ITPR2: variants seen among roughly 807,000 people sequenced by gnomAD.
ITPR2 encodes inositol 1,4,5-trisphosphate-gated calcium channel ITPR2.
Under a neutral mutation model 317.1 loss-of-function variants are expected in ITPR2, and 207 were observed. The observed-to-expected ratio is 0.65, with a 90% CI of 0.58 to 0.73. ITPR2 has a LOEUF of 0.73. Ranked by LOEUF, ITPR2 falls within the 30% of genes least tolerant of loss-of-function variation. The pLI, the probability that ITPR2 is intolerant of heterozygous loss-of-function variation, is 0.00. For missense variants in ITPR2, 2,613 were observed against 3,284.0 expected (o/e 0.80, Z 4.99); for synonymous variants, 1,156 against 1,149.1 (o/e 1.01, Z -0.12).
chr12:26,485,590 A>T (rs1245950442), intron 41 of ITPR2, among the ~76,000 whole-genome samples: 1 of 152,256 alleles, frequency 6.6e-6, no homozygotes, highest in Non-Finnish European at 1.5e-5. Context: ...GAAAGAAGAT[A>T]TGACACTGAC....
Position 26,665,809 on chromosome 12 carries a change from G to C in ITPR2, c.1551+101C>G. Reference sequence around the variant, plus strand: ...TCTTGTTTTCAGCCACTAAGTTTTGGGATCATTTGCTTCATAGTAATAGAT... The same window carrying C: ...TCTTGTTTTCAGCCACTAAGTTTTGCGATCATTTGCTTCATAGTAATAGAT... On this transcript the variant is annotated intron_variant, in intron 14 of 56. Coordinates refer to ENST00000381340, the MANE Select transcript of ITPR2 (RefSeq NM_002223.4). 2.9e-6 allele frequency: 3 copies of C among 1,033,892 alleles called. No homozygotes were observed. In the South Asian group the frequency reaches 4.8e-5, roughly 17 times the overall value. The allele number at this position is 1,033,892 out of a possible 1,614,324, so 64.0% of individuals were successfully genotyped here.
chr12:26,444,908 A>C (rs1003482719), intron 45 of ITPR2, among the ~76,000 whole-genome samples: 3 of 152,126 alleles, frequency 2.0e-5, no homozygotes, highest in Non-Finnish European at 4.4e-5. Context: ...ACTCAAGAAA[A>C]CTATTTCCTA....
chr12:26,456,273 G>A (rs1422473869), intron 45 of ITPR2, among the ~76,000 whole-genome samples: 1 of 152,162 alleles, frequency 6.6e-6, no homozygotes, highest in Non-Finnish European at 1.5e-5. Flanking sequence ...GTGACCTCTG[G>A]TTGTCCTTAC....
intron 2 of ITPR2, among the ~76,000 whole-genome samples, chr12:26,731,647 TA>T (rs1949030630): frequency 6.6e-6 from 1 of 151,812 alleles, no homozygotes; most frequent in Admixed American, 6.6e-5. Flanking sequence ...AAAATTTTTT[TA>T]AAAAATCAGC....
intron 26 of ITPR2, among the ~76,000 whole-genome samples, chr12:26,612,785 A>G (rs1946298605): frequency 6.6e-6 from 1 of 152,236 alleles, no homozygotes; most frequent in Admixed American, 6.5e-5. Flanking sequence ...CCAAAATAGT[A>G]TGCTCACCTC....
chr12:26,608,788 A>AG (rs1946197684), intron 26 of ITPR2, among the ~76,000 whole-genome samples: 1 of 85,458 alleles, frequency 1.2e-5, no homozygotes, highest in Admixed American at 1.1e-4. Context: ...TTTTAAATTA[A>AG]AAAAAAAAAA....
intron 29 of ITPR2, 126 bp from the exon 30 acceptor site, chr12:26,599,471 T>G: frequency 1.2e-6 from 1 of 808,906 alleles, no homozygotes; most frequent in Non-Finnish European, 2.0e-6. Context: ...GAATTTTCTG[T>G]GCATGTCTTT....
intron 2 of ITPR2, among the ~76,000 whole-genome samples, chr12:26,765,988 T>G (rs141757851): frequency 2.8e-4 from 43 of 152,346 alleles, no homozygotes; most frequent in African/African-American, 9.1e-4. Context: ...TTACATCTTA[T>G]GGCTAAATAA....
chr12:26,426,793 T>C (rs1178357724), intron 49 of ITPR2, among the ~76,000 whole-genome samples: 1 of 151,768 alleles, frequency 6.6e-6, no homozygotes, highest in South Asian at 2.1e-4. Flanking sequence ...GAAAGTTTGG[T>C]TGACTATTTT....
intron 2 of ITPR2, among the ~76,000 whole-genome samples, chr12:26,782,021 T>G (rs1205225279): frequency 0.026 from 767 of 29,216 alleles, 10 homozygotes; most frequent in East Asian, 0.031. Context: ...TATATATATA[T>G]ATATATATAT....
intron 9 of ITPR2, among the ~76,000 whole-genome samples, chr12:26,695,851 A>G (rs779309750): frequency 6.6e-6 from 1 of 152,224 alleles, no homozygotes; most frequent in African/African-American, 2.4e-5. Flanking sequence ...TGACATGCCA[A>G]GTTCATTGCC....
chr12:26,658,972 AATT>A, intron 16 of ITPR2, 138 bp downstream of exon 16: 1 of 611,108 alleles, frequency 1.6e-6, no homozygotes, highest in Non-Finnish European at 2.8e-6. Flanking sequence ...TATTATATAC[AATT>A]ATTATAGCAA....
chr12:26,583,343 C>T (rs1166734134), intron 32 of ITPR2, among the ~76,000 whole-genome samples: 1 of 152,104 alleles, frequency 6.6e-6, no homozygotes, highest in African/African-American at 2.4e-5. Context: ...AATGACTGCA[C>T]ATTTAGTATG....
intron 26 of ITPR2, among the ~76,000 whole-genome samples, chr12:26,611,972 T>C (rs192715830): frequency 6.6e-6 from 1 of 152,278 alleles, no homozygotes; most frequent in African/African-American, 2.4e-5. Context: ...GGACGATAGG[T>C]TTAATAAAGG....
At chr12:26,677,418 G>A (rs756552806) in intron 13 of ITPR2, among the ~76,000 whole-genome samples, 13 of 151,786 alleles carry the variant, frequency 8.6e-5, no homozygotes, top group East Asian at 1.9e-4. Context: ...TGGGCAACAC[G>A]GCGAAACCCT....
In ITPR2 at chr12:26,602,371, T is replaced by C. The variant is rs750800412; in HGVS notation, c.3677A>G (p.Lys1226Arg). ...GAACAAAAAATAACCAGGACTAACC[T>C]TTTCATAGGGTATCTGCAGAAGATC... is the stretch of plus-strand genomic sequence containing the variant. ...VLDLLQIPYE[K>R]NDEKMNEVMN... Residue 1226 changes from lysine (K) to arginine (R), a missense_variant and splice_region_variant, in exon 28 of 57, where the codon AAG (lysine) becomes AGG (arginine). Lys to Arg is a conservative substitution (Grantham distance 26). This residue lies in a region of ITPR2 where 817 missense variants were observed against 897.6 expected (regional missense o/e 0.91). Coordinates refer to ENST00000381340, the MANE Select transcript of ITPR2 (RefSeq NM_002223.4). 1 of 1,610,288 alleles carries C rather than the reference T, an allele frequency of 6.2e-7. No homozygotes were observed. Among genetic ancestry groups the C allele is most frequent in the Admixed American group, 1.7e-5 (1 of 59,336 alleles).
chr12:26,419,492 G>A, intron 49 of ITPR2: 1 of 265,082 alleles, frequency 3.8e-6, no homozygotes, highest in Non-Finnish European at 7.2e-6. Flanking sequence ...GAGAGAGAAT[G>A]GTAAGAGACT....
chr12:26,797,625 C>CT (rs1378063434), intron 1 of ITPR2, among the ~76,000 whole-genome samples: 2 of 149,056 alleles, frequency 1.3e-5, no homozygotes, highest in Non-Finnish European at 3.0e-5. Flanking sequence ...TTACTAAAAG[C>CT]TTTTACTAGA....
At chr12:26,786,276 C>T (rs1261774924) in intron 2 of ITPR2, among the ~76,000 whole-genome samples, 6 of 102,686 alleles carry the variant, frequency 5.8e-5, no homozygotes, top group Non-Finnish European at 6.4e-5. Context: ...AGAGTCATCA[C>T]CACTCCCTAA....
Sources: gnomAD v4.1 joint callset for allele counts (sites outside exome capture counted in the v4.1 genomes callset) on GRCh38, gnomAD v4.1.1 for gene constraint, gnomAD v4.1.1 regional missense constraint, MANE v1.5 for transcripts, NCBI Gene and HGNC (gene_info 2026-07-23, HGNC 2026-07-21) for gene names.